The following MELK variants were observed in gnomAD, a reference collection of about 807,000 sequenced individuals.
MELK encodes the protein maternal embryonic leucine zipper kinase.
A neutral mutation model predicts 85.0 loss-of-function variants in MELK; 81 were observed. The observed-to-expected ratio is 0.95, with a 90% CI of 0.80 to 1.15. The LOEUF is 1.15. MELK is among the 50% of genes most tolerant of loss of function. MELK has a pLI of 0.00. For missense variants in MELK, 754 were observed against 777.5 expected (o/e 0.97, Z 0.36); for synonymous variants, 252 against 265.0 (o/e 0.95, Z 0.48).
At chr9:36,662,059 G>T (rs10758385) in intron 13 of MELK, among the ~76,000 whole-genome samples, 136,995 of 151,774 alleles carry the variant, frequency 0.9, 61,878 homozygotes, top group East Asian at 0.92. Context: ...TATGGATTTA[G>T]TTATTATATA....
chr9:36,584,585 G>A (rs553889341), intron 3 of MELK, among the ~76,000 whole-genome samples: 1 of 147,266 alleles, frequency 6.8e-6, no homozygotes, highest in South Asian at 2.1e-4. Context: ...CGCGTGCCTC[G>A]ACCTCCCAAA....
intron 3 of MELK, among the ~76,000 whole-genome samples, chr9:36,588,230 A>G (rs1823152030): frequency 6.8e-6 from 1 of 145,994 alleles, no homozygotes; most frequent in Non-Finnish European, 1.5e-5. Flanking sequence ...CTAATTTTGT[A>G]TTTTTAATTT....
At chr9:36,654,349 CTTT>C (rs34436735) in intron 12 of MELK, among the ~76,000 whole-genome samples, 2 of 84,124 alleles carry the variant, frequency 2.4e-5, no homozygotes, top group Non-Finnish European at 2.1e-5. Context: ...ATTGGATTGT[CTTT>C]TTTTTTTTTT....
intron 12 of MELK, among the ~76,000 whole-genome samples, chr9:36,655,714 A>T (rs1831180620): frequency 6.6e-6 from 1 of 152,190 alleles, no homozygotes; most frequent in African/African-American, 2.4e-5. Flanking sequence ...CGTCATTCGT[A>T]CAGCACTGTA....
intron 8 of MELK, among the ~76,000 whole-genome samples, chr9:36,615,067 G>C (rs1826468356): frequency 7.5e-6 from 1 of 133,886 alleles, no homozygotes. Context: ...GGGCGGGGGG[G>C]CTGACCCCCC....
intron 5 of MELK, among the ~76,000 whole-genome samples, chr9:36,596,311 A>C (rs924525969): frequency 8.5e-5 from 13 of 152,116 alleles, no homozygotes; most frequent in Admixed American, 1.3e-4. Flanking sequence ...GCTGGAGTGC[A>C]GTGGTGCGAT....
chr9:36,607,521 A>T, intron 7 of MELK, 54 bp from the exon 8 acceptor site: 1 of 1,314,704 alleles, frequency 7.6e-7, no homozygotes. Context: ...TACCATTCTG[A>T]AATATGTTTG....
chr9:36,670,936 T>A, intron 15 of MELK, 62 bp from the exon 16 acceptor site: 1 of 1,516,444 alleles, frequency 6.6e-7, no homozygotes, highest in Non-Finnish European at 8.8e-7. Flanking sequence ...AAGTTCACCC[T>A]TGTGGACCCC....
chr9:36,670,050 CCA>C (rs1832751035), intron 15 of MELK, among the ~76,000 whole-genome samples: 1 of 152,108 alleles, frequency 6.6e-6, no homozygotes, highest in African/African-American at 2.4e-5. Context: ...GGTTTTTCTC[CCA>C]CAGTCTGGAA....
intron 8 of MELK, among the ~76,000 whole-genome samples, chr9:36,629,844 T>G (rs769832995): frequency 4.5e-4 from 28 of 61,602 alleles, no homozygotes; most frequent in Admixed American, 1.2e-3. Flanking sequence ...CAAGAAATTG[T>G]TTTTTTTTTT....
At chr9:36,587,566 C>G (rs1029896794) in intron 3 of MELK, among the ~76,000 whole-genome samples, 1 of 151,694 alleles carries the variant, frequency 6.6e-6, no homozygotes, top group African/African-American at 2.4e-5. Context: ...CCGCCTGCCT[C>G]GGCCTCCCAA....
chr9:36,639,399 T>C (rs1469538116), intron 10 of MELK, among the ~76,000 whole-genome samples: 1 of 152,218 alleles, frequency 6.6e-6, no homozygotes, highest in Non-Finnish European at 1.5e-5. Flanking sequence ...TTTCCTTGAA[T>C]ATTTAAGGTA....
At chr9:36,604,766 C>T (rs1825312920) in intron 7 of MELK, among the ~76,000 whole-genome samples, 1 of 151,742 alleles carries the variant, frequency 6.6e-6, no homozygotes, top group Admixed American at 6.6e-5. Context: ...GCCTCAGCCT[C>T]CCGAATTGCT....
At chr9:36,586,722 C>G (rs1822948007) in intron 3 of MELK, among the ~76,000 whole-genome samples, 1 of 152,142 alleles carries the variant, frequency 6.6e-6, no homozygotes, top group African/African-American at 2.4e-5. Flanking sequence ...CACACTGATG[C>G]TCAAAACTTA....
intron 10 of MELK, 21 bp from the exon 11 acceptor site, chr9:36,642,976 G>A (rs1351104374): frequency 6.4e-7 from 1 of 1,570,516 alleles, no homozygotes; most frequent in Non-Finnish European, 8.7e-7. Context: ...TGTTAATAAA[G>A]TGCATAATTT....
intron 7 of MELK, among the ~76,000 whole-genome samples, chr9:36,604,637 G>A (rs866258610): frequency 6.6e-6 from 1 of 151,472 alleles, no homozygotes; most frequent in Non-Finnish European, 1.5e-5. Context: ...ACAGGCGTGA[G>A]CCACCATGCC....
chr9:36,677,291 T>G lies in MELK; in HGVS notation c.1910T>G (p.Val637Gly), dbSNP rs1833430011. The G allele has an allele frequency of 3.7e-6, 6 of 1,613,914 alleles. No homozygotes were observed. Among genetic ancestry groups the G allele is most frequent in the Non-Finnish European group, 5.1e-6 (6 of 1,179,910 alleles). The change falls in exon 18 of 18, where the codon GTT becomes GGT. Residue 637 changes from valine (V) to glycine (G), a missense_variant. Physicochemically the swap from Val to Gly is moderately radical, Grantham distance 109. Coordinates refer to ENST00000298048, the MANE Select transcript of MELK (RefSeq NM_014791.4). ...RRQRLKGDAW[V>G]YKRLVEDILS... ...CAGCGGCTTAAGGGCGATGCCTGGG[T>G]TTACAAAAGATTAGTGGAAGACATC...
At chr9:36,585,664 TG>T (rs1360026199) in intron 3 of MELK, among the ~76,000 whole-genome samples, 6 of 152,136 alleles carry the variant, frequency 3.9e-5, no homozygotes, top group African/African-American at 1.4e-4. Context: ...TGGTTGGGTG[TG>T]GTGGCTCATC....
chr9:36,624,711 GTATT>G (rs1478009796), intron 8 of MELK, among the ~76,000 whole-genome samples: 1 of 152,090 alleles, frequency 6.6e-6, no homozygotes, highest in Non-Finnish European at 1.5e-5. Context: ...TTTGGTCTGA[GTATT>G]TATTTTTACA....
Sources: allele counts gnomAD v4.1 joint callset (sites outside exome capture counted in the v4.1 genomes callset), GRCh38; gene constraint gnomAD v4.1.1; transcripts MANE v1.5; gene names NCBI Gene and HGNC (gene_info 2026-07-23, HGNC 2026-07-21).